The following FRYL variants were observed in gnomAD, a reference collection of about 807,000 sequenced individuals.
FRYL encodes FRY like transcription coactivator.
FRYL carries 150 observed loss-of-function variants against 351.2 expected under a neutral mutation model. That is an observed-to-expected ratio of 0.43 (90% CI 0.37 to 0.49). The LOEUF (loss-of-function observed/expected upper bound fraction) is 0.49, where lower values mean the gene tolerates loss of function less well. Among genes scored for constraint, FRYL ranks in the 20% least tolerant of loss-of-function variants. FRYL has a pLI of 0.00. For missense variants in FRYL, 3,036 were observed against 3,619.3 expected (o/e 0.84, Z 4.13); for synonymous variants, 1,153 against 1,257.1 (o/e 0.92, Z 1.75).
At chr4:48,685,615 C>T (rs1388661276) in intron 2 of FRYL, among the ~76,000 whole-genome samples, 1 of 152,078 alleles carries the variant, frequency 6.6e-6, no homozygotes. Context: ...ACTCTGAGGG[C>T]GTCATGGACC....
intron 18 of FRYL, 89 bp downstream of exon 18, chr4:48,589,656 G>T (rs899092685): frequency 2.4e-5 from 30 of 1,245,744 alleles, no homozygotes; most frequent in Non-Finnish European, 3.2e-5. Context: ...GAACTCCAAA[G>T]ACCAAGTAAG....
rs1462749384 is a variant in FRYL, at chr4:48,534,673, C to T, written c.6577G>A (p.Gly2193Arg). 6.5e-7 allele frequency: 1 copy of T among 1,541,846 alleles called. No individual in the cohort carries two copies. The highest frequency in any genetic ancestry group is 8.9e-7 in the Non-Finnish European group (1 of 1,124,262). ...VTYLAELLEK[G>R]LSSMQQSLLQ... Reference sequence around the variant, plus strand: ...AATGATTGCTGCATACTGGACAATCCTTTCTCTAACAGCTAAAAATAATGT... The same window carrying T: ...AATGATTGCTGCATACTGGACAATCTTTTCTCTAACAGCTAAAAATAATGT... Residue 2193 changes from glycine (G) to arginine (R), a missense_variant, in exon 49 of 64, where the codon GGA (glycine) becomes AGA (arginine). Coordinates refer to ENST00000358350, the MANE Select transcript of FRYL (RefSeq NM_015030.2).
At chr4:48,689,172 T>C (rs1765457896) in intron 2 of FRYL, among the ~76,000 whole-genome samples, 1 of 152,212 alleles carries the variant, frequency 6.6e-6, no homozygotes, top group South Asian at 2.1e-4. Flanking sequence ...TTTATTGACT[T>C]TACATTTTCA....
intron 3 of FRYL, among the ~76,000 whole-genome samples, chr4:48,652,950 T>C (rs1220294516): frequency 1.3e-5 from 2 of 152,182 alleles, no homozygotes; most frequent in East Asian, 1.9e-4. Flanking sequence ...AACATGATAA[T>C]AGAACCTGTG....
At chr4:48,729,759 G>A (rs1770517292) in intron 1 of FRYL, among the ~76,000 whole-genome samples, 1 of 152,052 alleles carries the variant, frequency 6.6e-6, no homozygotes, top group African/African-American at 2.4e-5. Context: ...AAGACCAAAG[G>A]TAGATAAAAC....
rs190132912 is a variant in FRYL at position 48,757,233 on chromosome 4, G to T, written c.-384+22845C>A. On this transcript the variant is annotated intron_variant, in intron 1 of 63. Transcript: ENST00000358350. The stretch of plus-strand genomic sequence containing the variant: ...CACCACTCATATTCAACATAGTGTT[G>T]GAAGTTCTGGCCAGGGCAGGAGAAG... Among the ~76,000 whole-genome samples the T allele has an allele frequency of 3.2e-4, 49 of 152,306 alleles. 1 individual carries two copies. The East Asian group carries it at 8.7e-3, about 27-fold the overall frequency.
At chr4:48,645,239 A>T (rs1403891554) in intron 3 of FRYL, among the ~76,000 whole-genome samples, 6 of 150,336 alleles carry the variant, frequency 4.0e-5, no homozygotes, top group African/African-American at 1.5e-4. Flanking sequence ...CACAGCGCTG[A>T]TAAAAAGGTA....
At chr4:48,680,627 G>C (rs1356527819) in intron 3 of FRYL, among the ~76,000 whole-genome samples, 1 of 151,696 alleles carries the variant, frequency 6.6e-6, no homozygotes, top group African/African-American at 2.4e-5. Flanking sequence ...CTTATTTTTT[G>C]TTTACATATC....
chr4:48,510,199 T>C (rs1196119907), intron 58 of FRYL, 42 bp from the exon 59 acceptor site: 1 of 1,416,520 alleles, frequency 7.1e-7, no homozygotes, highest in Non-Finnish European at 1.0e-6. Context: ...CATTTCTGAT[T>C]GAAATCATGA....
chr4:48,523,215 T>G, intron 53 of FRYL, 111 bp from the exon 54 acceptor site: 1 of 672,522 alleles, frequency 1.5e-6, no homozygotes, highest in Non-Finnish European at 2.6e-6. Context: ...AATGCATCAT[T>G]AAAAGCAGAG....
At chr4:48,586,250 G>A (rs1742085726) in intron 19 of FRYL, among the ~76,000 whole-genome samples, 1 of 152,078 alleles carries the variant, frequency 6.6e-6, no homozygotes, top group Admixed American at 6.5e-5. Context: ...AGATACTAAA[G>A]AAATGACTGT....
At chr4:48,582,286 A>T (rs1741117071) in intron 20 of FRYL, among the ~76,000 whole-genome samples, 1 of 152,204 alleles carries the variant, frequency 6.6e-6, no homozygotes, top group African/African-American at 2.4e-5. Flanking sequence ...TTAAAAACCC[A>T]AAGAAGAAGA....
At chr4:48,570,074 A>C (rs1410938681) in intron 27 of FRYL, among the ~76,000 whole-genome samples, 1 of 152,164 alleles carries the variant, frequency 6.6e-6, no homozygotes, top group African/African-American at 2.4e-5. Context: ...TCAGCCTCCC[A>C]AAATGCTGGG....
At chr4:48,713,821 T>C (rs530751661) in intron 1 of FRYL, among the ~76,000 whole-genome samples, 29 of 152,216 alleles carry the variant, frequency 1.9e-4, no homozygotes, top group African/African-American at 7.0e-4. Context: ...AATATACATT[T>C]TTTTCAGCAC....
chr4:48,771,996 C>A (rs1775563135), intron 1 of FRYL, among the ~76,000 whole-genome samples: 1 of 152,188 alleles, frequency 6.6e-6, no homozygotes, highest in African/African-American at 2.4e-5. Flanking sequence ...AAATATGATT[C>A]TCTGTACATT....
chr4:48,531,030 A>G (rs1034465468), intron 50 of FRYL, 126 bp downstream of exon 50: 14 of 673,220 alleles, frequency 2.1e-5, no homozygotes, highest in Admixed American at 2.0e-4. Context: ...TTGGTTGTTC[A>G]TAACAGCTAT....
At chr4:48,691,607 C>T (rs1245700948) in intron 2 of FRYL, among the ~76,000 whole-genome samples, 2 of 152,142 alleles carry the variant, frequency 1.3e-5, no homozygotes, top group African/African-American at 2.4e-5. Flanking sequence ...AGTGCTTAAA[C>T]AGTGCTTGAC....
chr4:48,566,394 C>T (rs139945603), intron 28 of FRYL, among the ~76,000 whole-genome samples: 33 of 145,456 alleles, frequency 2.3e-4, no homozygotes, highest in Non-Finnish European at 4.3e-4. Context: ...AGCAGTATCA[C>T]AATAAACCAA....
At chr4:48,773,670 AAT>A (rs1363434533) in intron 1 of FRYL, among the ~76,000 whole-genome samples, 2 of 152,232 alleles carry the variant, frequency 1.3e-5, no homozygotes, top group Non-Finnish European at 2.9e-5. Context: ...TCACACCTGT[AAT>A]CCCAGCACTT....
Sources: gnomAD v4.1 joint callset for allele counts (sites outside exome capture counted in the v4.1 genomes callset) on GRCh38, gnomAD v4.1.1 for gene constraint, MANE v1.5 for transcripts, NCBI Gene and HGNC (gene_info 2026-07-23, HGNC 2026-07-21) for gene names.